Variants in ZNF892 observed in about 807,000 individuals in gnomAD.
ZNF892 encodes zinc finger protein 892.
the ZNF892 span, among the ~76,000 whole-genome samples, chr2:95,218,838 A>C: frequency 6.6e-6 from 1 of 152,144 alleles, no homozygotes; most frequent in South Asian, 2.1e-4. Context: ...GTGGAGAGAA[A>C]TTGGATTGGG....
the ZNF892 span, among the ~76,000 whole-genome samples, chr2:95,221,395 T>C: frequency 6.6e-6 from 1 of 152,216 alleles, no homozygotes; most frequent in Non-Finnish European, 1.5e-5. Context: ...TGTGGTAAAG[T>C]ACATTGATTT....
the ZNF892 span, among the ~76,000 whole-genome samples, chr2:95,233,530 G>A: frequency 1.3e-5 from 2 of 151,272 alleles, no homozygotes; most frequent in Middle Eastern, 3.4e-3. Context: ...AAAATTAGCC[G>A]GGCGTGGTGG....
the ZNF892 span, among the ~76,000 whole-genome samples, chr2:95,247,992 T>C: frequency 6.6e-6 from 1 of 152,170 alleles, no homozygotes; most frequent in Admixed American, 6.5e-5. Context: ...ACTGAGTGTA[T>C]ATCCAGAAGA....
the ZNF892 span, among the ~76,000 whole-genome samples, chr2:95,237,625 A>G: frequency 5.8e-4 from 88 of 152,346 alleles, 1 homozygote; most frequent in Admixed American, 1.9e-3. Flanking sequence ...TTTTAAATCA[A>G]AAGCTAGAAA....
At chr2:95,209,265 A>G in the ZNF892 span, among the ~76,000 whole-genome samples, 1 of 152,122 alleles carries the variant, frequency 6.6e-6, no homozygotes, top group East Asian at 1.9e-4. Flanking sequence ...AAAATAAAAA[A>G]AAAGTCTTCA....
chr2:95,229,366 CT>C, the ZNF892 span, among the ~76,000 whole-genome samples: 1 of 152,264 alleles, frequency 6.6e-6, no homozygotes, highest in Middle Eastern at 3.4e-3. Flanking sequence ...CAGGTAACAA[CT>C]AACCATACAG....
chr2:95,244,150 C>T, the ZNF892 span, among the ~76,000 whole-genome samples: 2 of 150,344 alleles, frequency 1.3e-5, no homozygotes, highest in Non-Finnish European at 3.0e-5. Context: ...GCAGCATGCT[C>T]GTTAAGAGTC....
chr2:95,243,829 C>T, the ZNF892 span, among the ~76,000 whole-genome samples: 2 of 152,172 alleles, frequency 1.3e-5, no homozygotes, highest in African/African-American at 2.4e-5. Context: ...GCCACCACCC[C>T]GTCTGGGAGG....
At chr2:95,226,233 C>T in the ZNF892 span, among the ~76,000 whole-genome samples, 1 of 152,220 alleles carries the variant, frequency 6.6e-6, no homozygotes, top group Non-Finnish European at 1.5e-5. Flanking sequence ...CATTTAAGAT[C>T]AGGTCATCTG....
the ZNF892 span, among the ~76,000 whole-genome samples, chr2:95,250,796 A>C: frequency 3.4e-5 from 5 of 145,746 alleles, no homozygotes; most frequent in Non-Finnish European, 7.5e-5. Context: ...TAAATATAAA[A>C]TATTCATAAA....
the ZNF892 span, among the ~76,000 whole-genome samples, chr2:95,216,885 C>T: frequency 6.6e-6 from 1 of 152,076 alleles, no homozygotes; most frequent in Admixed American, 6.5e-5. Context: ...AATGTTAGCT[C>T]TTTGGTTGTA....
chr2:95,226,822 C>A, the ZNF892 span, among the ~76,000 whole-genome samples: 1 of 152,072 alleles, frequency 6.6e-6, no homozygotes, highest in African/African-American at 2.4e-5. Flanking sequence ...TTTTCTACCA[C>A]CTGTTTCACT....
the ZNF892 span, among the ~76,000 whole-genome samples, chr2:95,233,590 G>A: frequency 7.0e-6 from 1 of 141,898 alleles, no homozygotes; most frequent in South Asian, 2.3e-4. Context: ...GGAGAATGGC[G>A]TGAAACCGGG....
At chr2:95,260,482 A>G in the ZNF892 span, among the ~76,000 whole-genome samples, 1 of 152,060 alleles carries the variant, frequency 6.6e-6, no homozygotes, top group South Asian at 2.1e-4. Context: ...CTTCTTATCA[A>G]AGGCCCAATC....
chr2:95,230,468 G>A, the ZNF892 span, among the ~76,000 whole-genome samples: 6 of 152,158 alleles, frequency 3.9e-5, no homozygotes, highest in African/African-American at 1.4e-4. Context: ...CTTTAAAAGT[G>A]ACTGAATCTT....
At chr2:95,241,695 T>G in the ZNF892 span, among the ~76,000 whole-genome samples, 5 of 152,022 alleles carry the variant, frequency 3.3e-5, no homozygotes, top group Non-Finnish European at 2.9e-5. Flanking sequence ...AATAACAAAC[T>G]TTGCTGAGCT....
the ZNF892 span, among the ~76,000 whole-genome samples, chr2:95,238,763 A>G: frequency 6.6e-6 from 1 of 152,188 alleles, no homozygotes; most frequent in Admixed American, 6.5e-5. Context: ...TTCAGCTCTC[A>G]TGGATGACTT....
the ZNF892 span, among the ~76,000 whole-genome samples, chr2:95,261,894 C>T: frequency 2.0e-5 from 3 of 152,294 alleles, no homozygotes; most frequent in South Asian, 6.2e-4. Flanking sequence ...GGAATGGGCC[C>T]CGTGCAGGCA....
At chr2:95,209,181 T>G in the ZNF892 span, among the ~76,000 whole-genome samples, 2 of 152,082 alleles carry the variant, frequency 1.3e-5, no homozygotes, top group African/African-American at 4.8e-5. Flanking sequence ...AATCTGTACT[T>G]TGAAAAACAA....
Sources: gnomAD v4.1 joint callset for allele counts (sites outside exome capture counted in the v4.1 genomes callset) on GRCh38, gnomAD v4.1.1 for gene constraint, MANE v1.5 for transcripts, NCBI Gene and HGNC (gene_info 2026-07-23, HGNC 2026-07-21) for gene names.